BBS9: variants seen among roughly 807,000 people sequenced by gnomAD.
The protein encoded by BBS9 is protein PTHB1.
In BBS9, 89 loss-of-function variants were observed where a neutral mutation model predicts 117.7. The ratio of observed to expected loss-of-function variants is 0.76; its 90% CI spans 0.64 to 0.90. The LOEUF (loss-of-function observed/expected upper bound fraction) is 0.90. BBS9 is among the 40% of genes least tolerant of loss of function. BBS9 has a pLI of 0.00. For synonymous variants in BBS9, 379 were observed against 370.9 expected (o/e 1.02, Z -0.25); for missense variants, 982 against 1,042.2 (o/e 0.94, Z 0.80).
rs1797517901 is a variant in BBS9, at chr7:33,177,611, G to C, written c.442+20G>C. 1 of 1,472,910 alleles carries C rather than the reference G, an allele frequency of 6.8e-7. No homozygotes were observed. Among genetic ancestry groups the C allele is most frequent in the Non-Finnish European group, 9.5e-7 (1 of 1,051,782 alleles). 91.2% of individuals were successfully genotyped at this position (1,472,910 alleles called of 1,614,324 possible). A position where few individuals can be genotyped will look rare whatever the true frequency, so the allele number is the denominator to read the frequency against. ...TAAAAGGTAATTTGCTTTTAATCATGAGTATGCTATTTCAAGTGACAGATT... is the reference window on the plus strand; with the variant it reads ...TAAAAGGTAATTTGCTTTTAATCATCAGTATGCTATTTCAAGTGACAGATT... On this transcript the variant is annotated intron_variant, in intron 5 of 22. Coordinates refer to ENST00000242067, the MANE Select transcript of BBS9 (RefSeq NM_198428.3).
intron 5 of BBS9, among the ~76,000 whole-genome samples, chr7:33,200,608 A>G (rs1325345171): frequency 6.6e-6 from 1 of 152,084 alleles, no homozygotes; most frequent in East Asian, 1.9e-4. Flanking sequence ...ACAATTCCTG[A>G]AGGTTTTCCT....
At chr7:33,606,899 T>A (rs1164148798), downstream of BBS9, among the ~76,000 whole-genome samples, 1 of 152,138 alleles carries the variant, frequency 6.6e-6, no homozygotes, top group Non-Finnish European at 1.5e-5. Flanking sequence ...GTATTCTCTC[T>A]TGTTGTGTCT....
chr7:33,404,543 T>G (rs1829572413), intron 19 of BBS9, among the ~76,000 whole-genome samples: 1 of 152,150 alleles, frequency 6.6e-6, no homozygotes, highest in African/African-American at 2.4e-5. Context: ...GTAGTCCTCC[T>G]TGAAGAGGTC....
chr7:33,339,785 C>T (rs559034353), intron 10 of BBS9, among the ~76,000 whole-genome samples: 1 of 152,142 alleles, frequency 6.6e-6, no homozygotes, highest in East Asian at 1.9e-4. Context: ...GGATTAAGTC[C>T]CATGTTCATG....
chr7:33,603,086 C>T (rs1236877648), intron 21 of BBS9, among the ~76,000 whole-genome samples: 1 of 152,148 alleles, frequency 6.6e-6, no homozygotes, highest in Non-Finnish European at 1.5e-5. Context: ...AAGCACATGG[C>T]AGCTGTCTTA....
chr7:33,467,860 G>A (rs1840415002), intron 19 of BBS9, among the ~76,000 whole-genome samples: 1 of 152,118 alleles, frequency 6.6e-6, no homozygotes, highest in Non-Finnish European at 1.5e-5. Context: ...TTCATGTGGG[G>A]GAGGAAGCAA....
At chr7:33,587,407 G>A (rs140807640) in intron 21 of BBS9, among the ~76,000 whole-genome samples, 12 of 152,068 alleles carry the variant, frequency 7.9e-5, no homozygotes, top group African/African-American at 2.6e-4. Flanking sequence ...GATGTTTTCT[G>A]TTTCAGTTGA....
chr7:33,610,632 G>C (rs1238373149), downstream of BBS9, among the ~76,000 whole-genome samples: 1 of 152,044 alleles, frequency 6.6e-6, no homozygotes, highest in Non-Finnish European at 1.5e-5. Context: ...CCTCTTAACA[G>C]TCTCGCCTCT....
rs112251811 is a variant in BBS9 at position 33,448,525 on chromosome 7, T to C, written c.2116-56938T>C. On this transcript the variant is annotated intron_variant, in intron 19 of 22. Transcript: ENST00000242067. Reference sequence around the variant, plus strand: ...TTTCTTGAACTGTAAAAGAGGATGATAGTATAGCTCAGGACTTTGATGTGA... The same window carrying C: ...TTTCTTGAACTGTAAAAGAGGATGACAGTATAGCTCAGGACTTTGATGTGA... Among the ~76,000 whole-genome samples the C allele has an allele frequency of 3.9e-4, 60 of 152,338 alleles. 1 individual carries two copies. The highest frequency in any genetic ancestry group is 1.4e-3 in the African/African-American group (57 of 41,576).
intron 9 of BBS9, among the ~76,000 whole-genome samples, chr7:33,300,475 C>T (rs1806158658): frequency 6.6e-6 from 1 of 152,098 alleles, no homozygotes; most frequent in African/African-American, 2.4e-5. Context: ...ATTATTTGAA[C>T]CATTTCTTTT....
upstream of BBS9, chr7:33,129,303 C>A (rs950991366): frequency 1.8e-6 from 1 of 550,680 alleles, no homozygotes; most frequent in Non-Finnish European, 3.2e-6. Context: ...GTGGCCTGCC[C>A]CCGGAGCCCA....
intron 9 of BBS9, among the ~76,000 whole-genome samples, chr7:33,323,616 G>A (rs1186177015): frequency 6.6e-6 from 1 of 151,684 alleles, no homozygotes; most frequent in African/African-American, 2.4e-5. Context: ...TTTATTGTTA[G>A]TCTATTTGTG....
At chr7:33,497,340 T>C (rs1844869019) in intron 19 of BBS9, among the ~76,000 whole-genome samples, 3 of 152,138 alleles carry the variant, frequency 2.0e-5, no homozygotes, top group South Asian at 4.1e-4. Context: ...GCACTATATC[T>C]TTAGGTGGAC....
rs1017009370 is a variant in BBS9, at chr7:33,265,198, A to C, written c.702+824A>C. On this transcript the variant is annotated intron_variant, in intron 7 of 22. Transcript: ENST00000242067. ...AGGAAGCTAAATGGAGAAATAATGT[A>C]GAATTTAGAATACTAACATAACAGT... 3.3e-5 allele frequency among the ~76,000 whole-genome samples: 5 copies of C among 152,364 alleles called. No homozygotes were observed. The South Asian group carries it at 1.0e-3, about 32-fold the overall frequency.
chr7:33,407,038 T>G (rs1012538811), intron 19 of BBS9, among the ~76,000 whole-genome samples: 2 of 152,204 alleles, frequency 1.3e-5, no homozygotes, highest in South Asian at 2.1e-4. Context: ...TTTTCCAAGT[T>G]GGTTCCATTC....
intron 21 of BBS9, among the ~76,000 whole-genome samples, chr7:33,618,145 A>G (rs1487460732): frequency 6.6e-6 from 1 of 151,944 alleles, no homozygotes; most frequent in African/African-American, 2.4e-5. Context: ...TTAGAGACCA[A>G]CCTGGGCAAC....
intron 15 of BBS9, among the ~76,000 whole-genome samples, chr7:33,354,333 G>A (rs549217948): frequency 3.9e-4 from 60 of 152,246 alleles, no homozygotes; most frequent in Non-Finnish European, 7.9e-4. Flanking sequence ...CTGCAATGCA[G>A]ATAAGCAGTT....
In BBS9 at chr7:33,627,193, A is replaced by T. The variant is rs1478849005; in HGVS notation, c.2522-7984A>T. ...AGCCATTCCAGCCCCAGCTGTGGCT[A>T]AAAGGGTCCCAGATACATCTAGGCT... On this transcript the variant is annotated intron_variant, in intron 21 of 21. Coordinates refer to the BBS9 transcript ENST00000671952. Among the ~76,000 whole-genome samples, 4 of 152,230 alleles carry T rather than the reference A, an allele frequency of 2.6e-5. No homozygotes were observed. The South Asian group carries it at 6.2e-4, about 24-fold the overall frequency.
At chr7:33,237,560 T>C (rs1793741254) in intron 5 of BBS9, among the ~76,000 whole-genome samples, 1 of 150,414 alleles carries the variant, frequency 6.6e-6, no homozygotes, top group Admixed American at 6.6e-5. Flanking sequence ...GTTGATCTTG[T>C]GGTGGAAAAT....
Sources: gnomAD v4.1 joint callset for allele counts (sites outside exome capture counted in the v4.1 genomes callset) on GRCh38, gnomAD v4.1.1 for gene constraint, MANE v1.5 for transcripts, NCBI Gene and HGNC (gene_info 2026-07-23, HGNC 2026-07-21) for gene names.